The following ANGPTL5 variants were observed in gnomAD, a reference collection of about 807,000 sequenced individuals.
ANGPTL5 encodes the protein angiopoietin-related protein 5.
A neutral mutation model predicts 39.4 loss-of-function variants in ANGPTL5; 34 were observed. The observed-to-expected ratio is 0.86, with a 90% CI of 0.66 to 1.15. The LOEUF (loss-of-function observed/expected upper bound fraction) is 1.15. ANGPTL5 is among the 50% of genes most tolerant of loss of function. The pLI, the probability that ANGPTL5 is intolerant of heterozygous loss-of-function variation, is 0.00. For synonymous variants in ANGPTL5, 146 were observed against 152.1 expected, an observed-to-expected ratio of 0.96 and a Z score of 0.29; for missense variants, 467 against 457.5, an observed-to-expected ratio of 1.02 and a Z score of -0.19.
intron 7 of ANGPTL5, 107 bp from the exon 8 acceptor site, chr11:101,895,171 C>T: frequency 1.0e-6 from 1 of 961,174 alleles, no homozygotes; most frequent in South Asian, 1.9e-5. Flanking sequence ...TGAGATGGCT[C>T]AGATAAGTAA....
chr11:101,896,775 T>C lies in ANGPTL5; in HGVS notation c.662-1711A>G, dbSNP rs1440568542. Among the ~76,000 whole-genome samples the C allele has an allele frequency of 3.9e-5, 6 of 152,336 alleles. No individual in the cohort carries two copies. In the South Asian group the frequency reaches 1.0e-3, roughly 26 times the overall value. The stretch of plus-strand genomic sequence containing the variant: ...TATCATTGATGGGCATTTGGGTTGG[T>C]GCCAAGTCTTTGCTGTTGTGAATAG... On this transcript the variant is annotated intron_variant, in intron 7 of 8. Coordinates refer to ENST00000334289, the MANE Select transcript of ANGPTL5 (RefSeq NM_178127.5).
chr11:101,893,562 T>C (rs185804636), intron 8 of ANGPTL5, among the ~76,000 whole-genome samples: 1 of 152,318 alleles, frequency 6.6e-6, no homozygotes, highest in East Asian at 1.9e-4. Context: ...TTGAGACTTT[T>C]GTAACGAAAA....
intron 5 of ANGPTL5, 25 bp from the exon 6 acceptor site, chr11:101,902,746 GGGATA>G: frequency 6.9e-7 from 1 of 1,443,744 alleles, no homozygotes; most frequent in Non-Finnish European, 9.7e-7. Flanking sequence ...TTATTTAATT[GGGATA>G]TTTTCAAATG....
intron 1 of ANGPTL5, among the ~76,000 whole-genome samples, chr11:101,910,162 G>A (rs1940064946): frequency 6.6e-6 from 1 of 152,088 alleles, no homozygotes; most frequent in Non-Finnish European, 1.5e-5. Context: ...TGTAATCCCA[G>A]CACTTTGGGA....
chr11:101,915,096 T>A, intron 1 of ANGPTL5: 1 of 785,522 alleles, frequency 1.3e-6, no homozygotes, highest in Non-Finnish European at 1.9e-6. Context: ...CTGCCTCAGC[T>A]GCCATCGCCG....
intron 6 of ANGPTL5, among the ~76,000 whole-genome samples, chr11:101,902,376 G>A (rs1006920836): frequency 6.6e-6 from 1 of 152,120 alleles, no homozygotes; most frequent in African/African-American, 2.4e-5. Context: ...TTACTTTAAA[G>A]AGTATAACCA....
At position 101,896,794 on chromosome 11, in the gene ANGPTL5, T is replaced by G. The variant is rs1939805464; in HGVS notation, c.662-1730A>C. Among the ~76,000 whole-genome samples, 2 of 152,216 alleles carry G rather than the reference T, an allele frequency of 1.3e-5. 1 individual carries two copies. Among genetic ancestry groups the G allele is most frequent in the South Asian group, 4.1e-4 (2 of 4,828 alleles). ...GGTTGGTGCCAAGTCTTTGCTGTTG[T>G]GAATAGTGCTGCAATACACGTACAT... On this transcript the variant is annotated intron_variant, in intron 7 of 8. Coordinates refer to ENST00000334289, the MANE Select transcript of ANGPTL5 (RefSeq NM_178127.5).
rs141847630 is a variant in ANGPTL5, at chr11:101,901,501, G to T, written c.541-951C>A. On this transcript the variant is annotated intron_variant, in intron 6 of 8. Transcript: ENST00000334289. ...ATGCCCCTAAAAGGACCTCTGTAGGGCACCCATAGAAGCGATATAGGGAAG... is the reference window on the plus strand; with the variant it reads ...ATGCCCCTAAAAGGACCTCTGTAGGTCACCCATAGAAGCGATATAGGGAAG... Among the ~76,000 whole-genome samples, 48 of 152,148 alleles carry T rather than the reference G, an allele frequency of 3.2e-4. No individual in the cohort carries two copies. In the East Asian group the frequency reaches 7.9e-3, roughly 25 times the overall value.
chr11:101,912,022 G>A (rs545639007), intron 1 of ANGPTL5, among the ~76,000 whole-genome samples: 3 of 152,248 alleles, frequency 2.0e-5, no homozygotes, highest in African/African-American at 7.2e-5. Flanking sequence ...ACTGACATTG[G>A]TCTCTATCCC....
intron 6 of ANGPTL5, 51 bp downstream of exon 6, chr11:101,902,570 A>C (rs1221678785): frequency 1.6e-6 from 2 of 1,249,790 alleles, no homozygotes; most frequent in Non-Finnish European, 2.3e-6. Flanking sequence ...AATTGGTTGG[A>C]TGTTTATCTT....
intron 1 of ANGPTL5, among the ~76,000 whole-genome samples, chr11:101,910,468 A>C (rs1369332002): frequency 6.7e-6 from 1 of 150,280 alleles, no homozygotes. Flanking sequence ...AAGTTATGTG[A>C]ATATGCTTTA....
intron 7 of ANGPTL5, among the ~76,000 whole-genome samples, chr11:101,897,129 T>C (rs764572047): frequency 6.6e-6 from 1 of 152,232 alleles, no homozygotes; most frequent in African/African-American, 2.4e-5. Flanking sequence ...TTTTTTCATA[T>C]GTGGTTGGCC....
intron 2 of ANGPTL5, 69 bp from the exon 3 acceptor site, chr11:101,907,316 A>G (rs1940015411): frequency 5.0e-6 from 5 of 995,086 alleles, no homozygotes; most frequent in Non-Finnish European, 7.2e-6. Flanking sequence ...TACATAATAA[A>G]AAAGACTATA....
In ANGPTL5 at chr11:101,902,601, A is replaced by T; in HGVS notation, c.540+20T>A. On this transcript the variant is annotated intron_variant, in intron 6 of 8. Coordinates refer to ENST00000334289, the MANE Select transcript of ANGPTL5 (RefSeq NM_178127.5). Reference sequence around the variant, plus strand: ...ATCTTAGCCCACATAATACGGGAAAACTTCAAATACGGGAAATACCTCAAA... The same window carrying T: ...ATCTTAGCCCACATAATACGGGAAATCTTCAAATACGGGAAATACCTCAAA... The T allele has an allele frequency of 6.5e-7, 1 of 1,528,254 alleles. No individual in the cohort carries two copies. The highest frequency in any genetic ancestry group is 9.1e-7 in the Non-Finnish European group (1 of 1,103,294). 94.7% of individuals were successfully genotyped at this position (1,528,254 alleles called of 1,614,324 possible). A position where few individuals can be genotyped will look rare whatever the true frequency, so the allele number is the denominator to read the frequency against.
At chr11:101,904,616 T>C (rs1939966155) in intron 5 of ANGPTL5, among the ~76,000 whole-genome samples, 198 bp downstream of exon 5, 1 of 152,208 alleles carries the variant, frequency 6.6e-6, no homozygotes, top group South Asian at 2.1e-4. Flanking sequence ...TTTCACATGG[T>C]TGAAAAAGTT....
At chr11:101,905,717 A>G (rs1216160753) in intron 4 of ANGPTL5, 27 bp downstream of exon 4, 7 of 1,479,240 alleles carry the variant, frequency 4.7e-6, no homozygotes, top group Non-Finnish European at 6.6e-6. Context: ...TACATGCAAT[A>G]ACAACACAAT....
intron 1 of ANGPTL5, among the ~76,000 whole-genome samples, chr11:101,915,700 G>A (rs1940195431): frequency 6.6e-6 from 1 of 152,100 alleles, no homozygotes; most frequent in African/African-American, 2.4e-5. Flanking sequence ...ATTCTGTGGG[G>A]ATATTTTTAT....
At chr11:101,904,728 A>G (rs369902207) in intron 5 of ANGPTL5, 86 bp downstream of exon 5, 1 of 1,246,296 alleles carries the variant, frequency 8.0e-7, no homozygotes. Context: ...GTTTTTAAAT[A>G]AAACTTTTAA....
chr11:101,899,285 A>C lies in ANGPTL5; in HGVS notation c.661+1145T>G, dbSNP rs1028293015. Among the ~76,000 whole-genome samples, 32 of 152,096 alleles carry C rather than the reference A, an allele frequency of 2.1e-4. 1 individual carries two copies. Among genetic ancestry groups the C allele is most frequent in the Admixed American group, 2.0e-3 (31 of 15,274 alleles). Reference sequence around the variant, plus strand: ...GAATCCGTCTTTTGTGTTTTTATAGAGACATGGTTTCAACATGTTGGCCAG... The same window carrying C: ...GAATCCGTCTTTTGTGTTTTTATAGCGACATGGTTTCAACATGTTGGCCAG... On this transcript the variant is annotated intron_variant, in intron 7 of 8. Coordinates refer to ENST00000334289, the MANE Select transcript of ANGPTL5 (RefSeq NM_178127.5).
Sources: gnomAD v4.1 joint callset for allele counts (sites outside exome capture counted in the v4.1 genomes callset) on GRCh38, gnomAD v4.1.1 for gene constraint, MANE v1.5 for transcripts, NCBI Gene and HGNC (gene_info 2026-07-23, HGNC 2026-07-21) for gene names.